Variants in PLEC observed in about 807,000 individuals in gnomAD.
PLEC encodes plectin, also known as hemidesmosomal protein 1.
Under a neutral mutation model 392.8 loss-of-function variants are expected in PLEC, and 216 were observed. The ratio of observed to expected loss-of-function variants is 0.55; its 90% CI spans 0.49 to 0.62. The LOEUF is 0.62. PLEC is among the 20% of genes least tolerant of loss of function. PLEC has a pLI of 0.00. For missense variants in PLEC, 6,863 were observed against 6,563.4 expected (o/e 1.05, Z -1.58); for synonymous variants, 3,621 against 2,980.6 (o/e 1.21, Z -7.00).
Position 143,920,892 on chromosome 8 carries a change from G to T in PLEC, c.8929C>A (p.Leu2977Met). ...EQKGRLCFEG[L>M]RSLVPAAELL... The stretch of plus-strand genomic sequence containing the variant: ...TCGGCGGCTGGCACCAGGCTGCGCA[G>T]GCCCTCAAAGCAAAGCCGGCCCTTC... The change falls in exon 32 of 32, where the codon CTG (leucine) becomes ATG (methionine). Residue 2977 changes from leucine to methionine, a missense_variant. By Grantham distance (15) the Leu-to-Met change is conservative. Coordinates refer to ENST00000345136, the MANE Select transcript of PLEC (RefSeq NM_201384.3). 1 of 1,611,898 alleles carries T rather than the reference G, an allele frequency of 6.2e-7. No individual in the cohort carries two copies.
chr8:143,923,708 C>G lies in PLEC; in HGVS notation c.6221G>C (p.Ser2074Thr), dbSNP rs1554693843. The change falls in exon 31 of 32, where the codon AGC becomes ACC. Residue 2074 changes from serine to threonine, a missense_variant. Physicochemically the swap from Ser to Thr is moderately conservative, Grantham distance 58. Coordinates refer to ENST00000345136, the MANE Select transcript of PLEC (RefSeq NM_201384.3). The stretch of plus-strand genomic sequence containing the variant: ...CTCGCCGCGCAGCTGGTCCAGCACG[C>G]TCTGCTCCTGCTGCAGCGTCTGCTG... ...ELQQTLQQEQ[S>T]VLDQLRGEAE... The G allele has an allele frequency of 6.5e-7, 1 of 1,545,232 alleles. No individual in the cohort carries two copies. Among genetic ancestry groups the G allele is most frequent in the African/African-American group, 1.4e-5 (1 of 73,558 alleles).
At position 143,918,066 on chromosome 8, in the gene PLEC, C is replaced by T. The variant is rs782385807; in HGVS notation, c.11755G>A (p.Glu3919Lys). 168 of 1,600,700 alleles carry T rather than the reference C, an allele frequency of 1.0e-4. No individual in the cohort carries two copies. The highest frequency in any genetic ancestry group is 1.3e-4 in the Non-Finnish European group (156 of 1,175,696). ...TTCTGCAAGTTCTTGGTGACCTCCT[C>T]GATGGAGGTCAGGCCCTCCCGCAGC... The part of the protein sequence containing the change: ...LQLREGLTSI[E>K]EVTKNLQKFL... Residue 3919 changes from glutamate to lysine, a missense_variant, in exon 32 of 32, where the codon GAG (glutamate) becomes AAG (lysine). Physicochemically the swap from Glu to Lys is moderately conservative, Grantham distance 56. Coordinates refer to ENST00000345136, the MANE Select transcript of PLEC (RefSeq NM_201384.3).
At position 143,919,551 on chromosome 8, in the gene PLEC, C is replaced by T. The variant is rs371846683; in HGVS notation, c.10270G>A (p.Glu3424Lys). The change falls in exon 32 of 32, where the codon GAG becomes AAG. Residue 3424 changes from glutamate to lysine, a missense_variant. Coordinates refer to ENST00000345136, the MANE Select transcript of PLEC (RefSeq NM_201384.3). ...KAGVVGPELHEQLLSAEKAVT... is the reference protein window; with the variant it reads ...KAGVVGPELHKQLLSAEKAVT... ...GCCTTCTCGGCAGACAGCAGCTGCT[C>T]GTGAAGCTCGGGGCCCACCACGCCC... 6.8e-6 allele frequency: 11 copies of T among 1,608,994 alleles called. No homozygotes were observed. Among genetic ancestry groups the T allele is most frequent in the African/African-American group, 1.3e-5 (1 of 74,892 alleles).
upstream of PLEC, chr8:143,975,096 G>T (rs1478342235): frequency 2.7e-6 from 4 of 1,490,468 alleles, no homozygotes; most frequent in Admixed American, 3.4e-5. The surrounding 1 kb of genome is among the most constrained non-coding windows in gnomAD (Gnocchi z 9.9). Flanking sequence ...CCCAGTCCCC[G>T]CTCCAGCGCC....
rs1554682456 is a variant in PLEC at position 143,920,631 on chromosome 8, T to C, written c.9190A>G (p.Thr3064Ala). Residue 3064 changes from threonine (T) to alanine (A), a missense_variant, in exon 32 of 32, where the codon ACC becomes GCC. Coordinates refer to ENST00000345136, the MANE Select transcript of PLEC (RefSeq NM_201384.3). ...AVALLEAQAGTGHIIDPATSA... is the reference protein window; with the variant it reads ...AVALLEAQAGAGHIIDPATSA... ...GTGGCGGGGTCGATGATGTGCCCGG[T>C]GCCGGCCTGGGCTTCCAACAGGGCC... 5 of 1,606,446 alleles carry C rather than the reference T, an allele frequency of 3.1e-6. No individual in the cohort carries two copies. Among genetic ancestry groups the C allele is most frequent in the Admixed American group, 3.3e-5 (2 of 60,018 alleles).
In PLEC at chr8:143,917,905, G is replaced by A; in HGVS notation, c.11916C>T (p.Ala3972=). Reference sequence around the variant, plus strand: ...TGATGGGGTCGATGACGTAACCGGTGGCCGCCTGCGCCTCCAGGAGCTCAA... The same window carrying A: ...TGATGGGGTCGATGACGTAACCGGTAGCCGCCTGCGCCTCCAGGAGCTCAA... ...TAFELLEAQA[A]TGYVIDPIKG... is the part of the protein sequence containing the mutation. Residue 3972 remains alanine (A), a synonymous_variant, in exon 32 of 32, where the codon GCC becomes GCT. Coordinates refer to ENST00000345136, the MANE Select transcript of PLEC (RefSeq NM_201384.3). 1.9e-6 allele frequency: 3 copies of A among 1,613,048 alleles called. No homozygotes were observed. Among genetic ancestry groups the A allele is most frequent in the Non-Finnish European group, 2.5e-6 (3 of 1,179,998 alleles).
intron 1 of PLEC, among the ~76,000 whole-genome samples, chr8:143,972,971 G>A (rs1833505583): frequency 1.3e-5 from 2 of 152,220 alleles, no homozygotes; most frequent in Non-Finnish European, 2.9e-5. Context: ...CGCCAGTTTA[G>A]GGAGGTGAGG....
At chr8:143,930,711 C>A (rs182772862) in intron 19 of PLEC, among the ~76,000 whole-genome samples, 175 bp from the exon 20 acceptor site, 1 of 152,108 alleles carries the variant, frequency 6.6e-6, no homozygotes, top group Admixed American at 6.5e-5. Flanking sequence ...CCAAGCAGAC[C>A]CATGCACCCT....
Position 143,916,372 on chromosome 8 carries a change from G to C in PLEC, c.13449C>G (p.Ser4483=). The change falls in exon 32 of 32, where the codon TCC becomes TCG. Residue 4483 remains serine (S), a synonymous_variant. Transcript: ENST00000345136. ...CGGTGCGGGAGCCAGCGGTAGAGCCGGAGCCGCTGACGCTGTAGGGGCTGT... is the reference window on the plus strand; with the variant it reads ...CGGTGCGGGAGCCAGCGGTAGAGCCCGAGCCGCTGACGCTGTAGGGGCTGT... ...GYYSPYSVSG[S]GSTAGSRTGS... is the part of the protein sequence containing the mutation. The C allele has an allele frequency of 1.2e-6, 2 of 1,610,142 alleles. No individual in the cohort carries two copies. The highest frequency in any genetic ancestry group is 1.7e-6 in the Non-Finnish European group (2 of 1,178,936).
intron 2 of PLEC, 106 bp from the exon 3 acceptor site, chr8:143,938,346 G>A: frequency 6.5e-7 from 1 of 1,536,810 alleles, no homozygotes; most frequent in South Asian, 1.2e-5. Flanking sequence ...AAGGAGGCGG[G>A]GGCTGAGTCT....
rs144036686 is a variant in PLEC, at chr8:143,931,741, G to A, written c.2179-82C>T. 2.8e-4 allele frequency: 439 copies of A among 1,549,816 alleles called. 3 individuals are homozygous for A. The African/African-American group carries it at 4.1e-3, about 14-fold the overall frequency. ...AGTTGTCCCAGGGCAGGCCCAAGAC[G>A]GGGGCACTGAGGAAGGAGTGGCAAA... is the stretch of plus-strand genomic sequence containing the variant. On this transcript the variant is annotated intron_variant, in intron 18 of 31. Coordinates refer to ENST00000345136, the MANE Select transcript of PLEC (RefSeq NM_201384.3).
intron 1 of PLEC, among the ~76,000 whole-genome samples, chr8:143,960,760 T>C (rs1220875769): frequency 6.6e-6 from 1 of 152,230 alleles, no homozygotes; most frequent in Non-Finnish European, 1.5e-5. Flanking sequence ...CCCTTCTCCC[T>C]GTCTCCCCCC....
upstream of PLEC, among the ~76,000 whole-genome samples, chr8:143,957,306 C>T (rs948826897): frequency 2.0e-5 from 3 of 152,144 alleles, no homozygotes; most frequent in Non-Finnish European, 2.9e-5. Flanking sequence ...GGAGTCTTGC[C>T]GAAGAAGCAC....
At position 143,918,880 on chromosome 8, in the gene PLEC, G is replaced by A. The variant is rs782471082; in HGVS notation, c.10941C>T (p.Leu3647=). 5 of 1,612,598 alleles carry A rather than the reference G, an allele frequency of 3.1e-6. No individual in the cohort carries two copies. Among genetic ancestry groups the A allele is most frequent in the Non-Finnish European group, 4.2e-6 (5 of 1,180,038 alleles). Reference sequence around the variant, plus strand: ...GAGCCTCGAACAGGTCCTCAGCCGTGAGGCGGCGGCGCACGTAGTCGTAGG... The same window carrying A: ...GAGCCTCGAACAGGTCCTCAGCCGTAAGGCGGCGGCGCACGTAGTCGTAGG... ...LASYDYVRRR[L]TAEDLFEARI... is the part of the protein sequence containing the mutation. The change falls in exon 32 of 32, where the codon CTC becomes CTT. Residue 3647 remains leucine, a synonymous_variant. Transcript: ENST00000345136.
chr8:143,936,429 TG>T (rs1829074292), intron 5 of PLEC, among the ~76,000 whole-genome samples: 1 of 152,166 alleles, frequency 6.6e-6, no homozygotes, highest in Non-Finnish European at 1.5e-5. Flanking sequence ...CCCCCAGGCC[TG>T]GAAAAGGCTG....
intron 1 of PLEC, among the ~76,000 whole-genome samples, chr8:143,947,736 C>T (rs1831666738): frequency 2.0e-5 from 3 of 152,156 alleles, no homozygotes; most frequent in Non-Finnish European, 2.9e-5. Context: ...GGCAACAGAG[C>T]GGGACTCCAT....
chr8:143,950,286 G>T, exon 1 of PLEC: 1 of 1,570,830 alleles, frequency 6.4e-7, no homozygotes, highest in Non-Finnish European at 8.6e-7. Flanking sequence ...TCCTTCCGAC[G>T]GTAGACCCGC....
intron 1 of PLEC, chr8:143,950,043 G>T (rs566544790): frequency 3.4e-5 from 39 of 1,138,802 alleles, no homozygotes; most frequent in Middle Eastern, 6.0e-4. Flanking sequence ...CCTCGGCTAG[G>T]GGGGGCCACC....
At chr8:143,970,586 G>A (rs560738574) in intron 1 of PLEC, among the ~76,000 whole-genome samples, 23 of 152,246 alleles carry the variant, frequency 1.5e-4, no homozygotes, top group Non-Finnish European at 2.8e-4. Flanking sequence ...CATTCAAAGC[G>A]TCCAATTCAG....
Sources: gnomAD v4.1 joint callset for allele counts (sites outside exome capture counted in the v4.1 genomes callset) on GRCh38, gnomAD v4.1.1 for gene constraint, Gnocchi (gnomAD v3.1) non-coding constraint, MANE v1.5 for transcripts, NCBI Gene and HGNC (gene_info 2026-07-23, HGNC 2026-07-21) for gene names.